The following AGBL4 variants were observed in gnomAD, a reference collection of about 807,000 sequenced individuals.
AGBL4 encodes the protein AGBL carboxypeptidase 4.
A neutral mutation model predicts 66.4 loss-of-function variants in AGBL4; 58 were observed. The observed-to-expected ratio is 0.87, with a 90% CI of 0.71 to 1.09. AGBL4 has a LOEUF of 1.09. Ranked by LOEUF, AGBL4 falls within the 50% of genes least tolerant of loss-of-function variation. The pLI, the probability that AGBL4 is intolerant of heterozygous loss-of-function variation, is 0.00. For missense variants in AGBL4, 579 were observed against 631.0 expected (o/e 0.92, Z 0.88); for synonymous variants, 234 against 222.9 (o/e 1.05, Z -0.44).
Position 49,659,660 on chromosome 1 carries a change from C to T in AGBL4, c.282+37653G>A, listed in dbSNP as rs561876840. On this transcript the variant is annotated intron_variant, in intron 3 of 13. Transcript: ENST00000371839. ...AACTTCTTAGAGACCTACAAAGAGA[C>T]TTAGACTCACGCACAACAATGCACC... 7.2e-5 allele frequency among the ~76,000 whole-genome samples: 11 copies of T among 152,274 alleles called. No individual in the cohort carries two copies. In the East Asian group the frequency reaches 7.7e-4, roughly 11 times the overall value.
At position 49,450,336 on chromosome 1, in the gene AGBL4, A is replaced by G. The variant is rs373488324; in HGVS notation, c.283-204472T>C. Among the ~76,000 whole-genome samples the G allele has an allele frequency of 5.9e-5, 9 of 152,230 alleles. No individual in the cohort carries two copies. In the East Asian group the frequency reaches 1.5e-3, roughly 26 times the overall value. ...GATAAACACACTCATAAAAAGAGATAAAGTGAGAAGAGCAGAGGGCTCAGA... is the reference window on the plus strand; with the variant it reads ...GATAAACACACTCATAAAAAGAGATGAAGTGAGAAGAGCAGAGGGCTCAGA... On this transcript the variant is annotated intron_variant, in intron 3 of 13. Transcript: ENST00000371839.
At chr1:49,003,977 T>C (rs1661588049) in intron 5 of AGBL4, among the ~76,000 whole-genome samples, 2 of 152,192 alleles carry the variant, frequency 1.3e-5, no homozygotes, top group African/African-American at 4.8e-5. Flanking sequence ...CTTACCAAAT[T>C]TGATCAAATT....
At chr1:49,845,194 A>G in intron 2 of AGBL4, 1 of 1,443,926 alleles carries the variant, frequency 6.9e-7, no homozygotes, top group Non-Finnish European at 9.7e-7. Context: ...CTTCCGAAAC[A>G]GCTCGGCACT....
chr1:49,442,278 T>G (rs1372235098), intron 3 of AGBL4, among the ~76,000 whole-genome samples: 1 of 152,158 alleles, frequency 6.6e-6, no homozygotes, highest in African/African-American at 2.4e-5. Context: ...AAAATTATAA[T>G]GTAACATATA....
chr1:49,662,378 C>A (rs943519320), intron 3 of AGBL4, among the ~76,000 whole-genome samples: 3 of 151,854 alleles, frequency 2.0e-5, no homozygotes, highest in Non-Finnish European at 4.4e-5. Context: ...CAATTTCCCT[C>A]AAAAATAGTT....
chr1:50,010,469 A>AACACACACACACACAC lies in AGBL4; in HGVS notation c.34+13278_34+13293dup, dbSNP rs113933841. ...ATCCCAAAATTTGTAAGGAACCACA[A>AACACACACACACACAC]ACACACACACACACACACACACACA... On this transcript the variant is annotated intron_variant, in intron 1 of 13. Transcript: ENST00000371839. Among the ~76,000 whole-genome samples the AACACACACACACACAC allele has an allele frequency of 1.2e-3, 176 of 149,058 alleles. 1 individual carries two copies. Among genetic ancestry groups the AACACACACACACACAC allele is most frequent in the African/African-American group, 4.1e-3 (166 of 40,684 alleles).
At chr1:49,745,171 G>C (rs1650885756) in intron 2 of AGBL4, among the ~76,000 whole-genome samples, 1 of 151,968 alleles carries the variant, frequency 6.6e-6, no homozygotes, top group African/African-American at 2.4e-5. Context: ...CAGAAGCAGA[G>C]CTCAAGTAAA....
intron 4 of AGBL4, among the ~76,000 whole-genome samples, chr1:49,197,525 G>C (rs547031484): frequency 2.3e-4 from 35 of 152,160 alleles, no homozygotes; most frequent in Admixed American, 5.9e-4. Context: ...AGGTGTTACA[G>C]ACAATGCTGC....
chr1:49,380,489 AACT>A (rs1183387364), intron 3 of AGBL4, among the ~76,000 whole-genome samples: 4 of 152,060 alleles, frequency 2.6e-5, no homozygotes, highest in Admixed American at 6.5e-5. Context: ...AATTGGAAAA[AACT>A]ACTTTAAAGT....
At chr1:49,436,274 G>T (rs1265738856) in intron 3 of AGBL4, among the ~76,000 whole-genome samples, 1 of 152,042 alleles carries the variant, frequency 6.6e-6, no homozygotes, top group Non-Finnish European at 1.5e-5. Flanking sequence ...TGTTTCCTCA[G>T]AACTTTAGGA....
intron 3 of AGBL4, among the ~76,000 whole-genome samples, chr1:49,246,959 T>C (rs1651693677): frequency 6.6e-6 from 1 of 152,092 alleles, no homozygotes; most frequent in Non-Finnish European, 1.5e-5. Context: ...TATACTTTTT[T>C]AAACATTGGA....
Position 49,170,408 on chromosome 1 carries a change from A to G in AGBL4, c.377+75362T>C, listed in dbSNP as rs1250513580. ...GTTATTGTATATTTATATAATATAT[A>G]TTTATGTAAAAATATTTATATATAA... On this transcript the variant is annotated intron_variant, in intron 4 of 13. Transcript: ENST00000371839. Among the ~76,000 whole-genome samples the G allele has an allele frequency of 2.8e-5, 4 of 142,506 alleles. No individual in the cohort carries two copies. In the East Asian group the frequency reaches 5.9e-4, roughly 21 times the overall value. 93.5% of individuals were successfully genotyped at this position (142,506 alleles called of 152,430 possible).
At chr1:49,972,080 G>A (rs1658176561) in intron 1 of AGBL4, among the ~76,000 whole-genome samples, 1 of 150,690 alleles carries the variant, frequency 6.6e-6, no homozygotes, top group Non-Finnish European at 1.5e-5. Context: ...ACCACACCCG[G>A]CTAATTTTTT....
chr1:49,130,600 G>T (rs1012855402), intron 4 of AGBL4, among the ~76,000 whole-genome samples: 4 of 151,964 alleles, frequency 2.6e-5, no homozygotes, highest in Non-Finnish European at 5.9e-5. Context: ...TTTTTCTCAG[G>T]TTTGTCAAAG....
At chr1:49,357,577 C>A (rs1644046163) in intron 3 of AGBL4, among the ~76,000 whole-genome samples, 5 of 152,088 alleles carry the variant, frequency 3.3e-5, no homozygotes, top group African/African-American at 1.2e-4. Flanking sequence ...ATATTCCAGG[C>A]TCTGTGAATT....
intron 5 of AGBL4, among the ~76,000 whole-genome samples, chr1:49,031,341 CA>C (rs1265127305): frequency 6.6e-6 from 1 of 151,692 alleles, no homozygotes; most frequent in Non-Finnish European, 1.5e-5. Flanking sequence ...GTTCTCACCA[CA>C]AAGAAATGAT....
At chr1:49,134,475 G>GCCCCCCC (rs57286157) in intron 4 of AGBL4, among the ~76,000 whole-genome samples, 14 of 112,698 alleles carry the variant, frequency 1.2e-4, no homozygotes, top group Non-Finnish European at 2.0e-4. Flanking sequence ...ATTTTGGAGG[G>GCCCCCCC]CCCCCCCCCC....
chr1:49,992,920 C>T (rs563240200), intron 1 of AGBL4, among the ~76,000 whole-genome samples: 5 of 152,278 alleles, frequency 3.3e-5, no homozygotes, highest in Admixed American at 1.3e-4. Context: ...TAAGAGGAGA[C>T]GGCTCACGTT....
intron 3 of AGBL4, among the ~76,000 whole-genome samples, chr1:49,387,343 T>C (rs913148417): frequency 6.6e-6 from 1 of 151,934 alleles, no homozygotes; most frequent in Non-Finnish European, 1.5e-5. Context: ...ATGCTCTTTC[T>C]AAAAGAAGCT....
Sources: allele counts gnomAD v4.1 joint callset (sites outside exome capture counted in the v4.1 genomes callset), GRCh38; gene constraint gnomAD v4.1.1; transcripts MANE v1.5; gene names NCBI Gene and HGNC (gene_info 2026-07-23, HGNC 2026-07-21).